Variants in HEPHL1 observed in about 807,000 individuals in gnomAD.
HEPHL1 encodes the protein hephaestin like 1, also known as ferroxidase HEPHL1.
In HEPHL1, 123 loss-of-function variants were observed where a neutral mutation model predicts 122.0. That is an observed-to-expected ratio of 1.01 (90% CI 0.87 to 1.17). The LOEUF (loss-of-function observed/expected upper bound fraction) is 1.17, where lower values mean the gene tolerates loss of function less well. Ranked by LOEUF, HEPHL1 falls within the 50% of genes most tolerant of loss-of-function variation. The probability of loss-of-function intolerance (pLI) is 0.00; values close to 1 mark genes in which losing one functional copy is unlikely to be tolerated. For missense variants in HEPHL1, 1,452 were observed against 1,430.5 expected (o/e 1.01, Z -0.24); for synonymous variants, 527 against 508.9 (o/e 1.04, Z -0.48).
chr11:94,071,497 G>C (rs1221294535), intron 6 of HEPHL1, among the ~76,000 whole-genome samples: 1 of 152,100 alleles, frequency 6.6e-6, no homozygotes, highest in Admixed American at 6.6e-5. Flanking sequence ...ATGAGAATTA[G>C]CATTCAAAAT....
chr11:94,025,997 T>C (rs1281423792), intron 1 of HEPHL1, among the ~76,000 whole-genome samples: 24 of 152,196 alleles, frequency 1.6e-4, no homozygotes, highest in Non-Finnish European at 2.9e-5. Flanking sequence ...AAATTAGGAT[T>C]TTGTATTCAT....
intron 9 of HEPHL1, among the ~76,000 whole-genome samples, chr11:94,081,273 AAC>A (rs1458809141): frequency 6.6e-6 from 1 of 152,172 alleles, no homozygotes; most frequent in Non-Finnish European, 1.5e-5. Context: ...GGAGGGGAAC[AAC>A]ACACACTGCG....
chr11:94,096,366 G>A (rs113047313), intron 13 of HEPHL1, among the ~76,000 whole-genome samples: 7,237 of 152,294 alleles, frequency 0.048, 244 homozygotes, highest in Non-Finnish European at 0.061. Context: ...TCCCAGGGAT[G>A]AAGCCCACTT....
intron 5 of HEPHL1, 55 bp from the exon 6 acceptor site, chr11:94,070,319 T>C (rs1333949977): frequency 5.3e-5 from 80 of 1,507,584 alleles, no homozygotes; most frequent in Non-Finnish European, 7.0e-5. Context: ...TTTTCCTATA[T>C]GATTCCTTTT....
At chr11:94,074,624 G>A (rs942677916) in intron 8 of HEPHL1, among the ~76,000 whole-genome samples, 1 of 152,082 alleles carries the variant, frequency 6.6e-6, no homozygotes, top group Non-Finnish European at 1.5e-5. Context: ...TACGGTGTAA[G>A]GGTTAAGTGC....
chr11:94,098,655 A>C (rs1946339858), intron 13 of HEPHL1, among the ~76,000 whole-genome samples: 1 of 152,232 alleles, frequency 6.6e-6, no homozygotes, highest in Non-Finnish European at 1.5e-5. Context: ...TACACCAGTC[A>C]GACGCAGATT....
In HEPHL1 at chr11:94,082,585, TC is replaced by T; in HGVS notation, c.1867+20del. ...GAATGCATGGTATGACAAATGACAT[TC>T]CCGCCTGTAAATGAAAGGCTGACTT... On this transcript the variant is annotated intron_variant, in intron 10 of 19. Coordinates refer to ENST00000315765, the MANE Select transcript of HEPHL1 (RefSeq NM_001098672.2). The T allele has an allele frequency of 6.3e-7, 1 of 1,583,806 alleles. No individual in the cohort carries two copies. The highest frequency in any genetic ancestry group is 8.6e-7 in the Non-Finnish European group (1 of 1,162,920).
chr11:94,075,752 T>C (rs2134435426), intron 9 of HEPHL1, among the ~76,000 whole-genome samples: 1 of 152,266 alleles, frequency 6.6e-6, no homozygotes, highest in South Asian at 2.1e-4. Flanking sequence ...CATTTAAACA[T>C]CCATTATTCA....
At chr11:94,066,820 T>A (rs934162508) in intron 4 of HEPHL1, among the ~76,000 whole-genome samples, 4 of 152,238 alleles carry the variant, frequency 2.6e-5, no homozygotes, top group African/African-American at 9.6e-5. Flanking sequence ...TTTTCTGAAC[T>A]TGGTCAACTC....
Position 94,065,882 on chromosome 11 carries a change from T to C in HEPHL1, c.808+1372T>C, listed in dbSNP as rs137865963. 1.6e-3 allele frequency among the ~76,000 whole-genome samples: 238 copies of C among 152,288 alleles called. 1 individual carries two copies. Among genetic ancestry groups the C allele is most frequent in the African/African-American group, 5.5e-3 (229 of 41,574 alleles). On this transcript the variant is annotated intron_variant, in intron 4 of 19. Transcript: ENST00000315765. ...ATTACATAAGCAAACATAGATTACA[T>C]GTATCATAAAAAGAAGCCTGTCCAG...
intron 9 of HEPHL1, among the ~76,000 whole-genome samples, chr11:94,076,080 A>C (rs781622435): frequency 2.6e-5 from 4 of 152,142 alleles, no homozygotes; most frequent in Non-Finnish European, 5.9e-5. Flanking sequence ...ATATTTTATA[A>C]TTTTTGGCAT....
At chr11:94,057,564 T>G (rs1945948997) in intron 2 of HEPHL1, among the ~76,000 whole-genome samples, 1 of 152,160 alleles carries the variant, frequency 6.6e-6, no homozygotes, top group South Asian at 2.1e-4. Flanking sequence ...CTCTAGTATT[T>G]TATTTAATTT....
chr11:94,052,345 CG>C (rs1329530862), intron 2 of HEPHL1, among the ~76,000 whole-genome samples: 7 of 151,788 alleles, frequency 4.6e-5, no homozygotes, highest in African/African-American at 1.7e-4. Flanking sequence ...TCCTTAGTTA[CG>C]TTAACTTCTA....
rs78457890 is a variant in HEPHL1 at position 94,063,786 on chromosome 11, C to T, written c.628+66C>T. On this transcript the variant is annotated intron_variant, in intron 3 of 19. Transcript: ENST00000315765. ...TGAATAAGATTCAGGTCTTATTTTG[C>T]CTACCTCCTTTGCTCCACACAGAAT... 1.5e-3 allele frequency: 2,031 copies of T among 1,355,046 alleles called. 25 individuals are homozygous for T. The African/African-American group carries it at 0.026, about 18-fold the overall frequency. 83.9% of individuals were successfully genotyped at this position (1,355,046 alleles called of 1,614,324 possible).
chr11:94,099,354 G>T (rs1288642368), intron 13 of HEPHL1, among the ~76,000 whole-genome samples: 1 of 152,222 alleles, frequency 6.6e-6, no homozygotes, highest in Non-Finnish European at 1.5e-5. Flanking sequence ...AAATGTTGCT[G>T]CCTGATCCTT....
rs1591492793 is a variant in HEPHL1 at position 94,112,013 on chromosome 11, C to T, written c.*119C>T. On this transcript the variant is annotated 3_prime_UTR_variant, in exon 20 of 20. Coordinates refer to ENST00000315765, the MANE Select transcript of HEPHL1 (RefSeq NM_001098672.2). ...GGAAGGTTGACACTGTATCCTGGAT[C>T]AGCCTTCTGATCCTCTCAAACATCA... The T allele has an allele frequency of 1.6e-6, 1 of 639,590 alleles. No individual in the cohort carries two copies. The highest frequency in any genetic ancestry group is 2.7e-5 in the East Asian group (1 of 36,366). The allele number at this position is 639,590 out of a possible 1,614,324, so 39.6% of individuals were successfully genotyped here. A position where few individuals can be genotyped will look rare whatever the true frequency, so the allele number is the denominator to read the frequency against.
At chr11:94,093,713 A>G (rs1039132222) in intron 13 of HEPHL1, 73 bp downstream of exon 13, 1 of 1,507,454 alleles carries the variant, frequency 6.6e-7, no homozygotes, top group African/African-American at 1.4e-5. Flanking sequence ...GTGTTCTGTT[A>G]CACTTGTGGC....
At chr11:94,030,793 C>T (rs947583041) in intron 1 of HEPHL1, among the ~76,000 whole-genome samples, 1 of 152,164 alleles carries the variant, frequency 6.6e-6, no homozygotes, top group Admixed American at 6.5e-5. Flanking sequence ...TAAGTCTTTG[C>T]CTTATAGAGT....
chr11:94,066,822 G>T (rs957960076), intron 4 of HEPHL1, among the ~76,000 whole-genome samples: 1 of 152,224 alleles, frequency 6.6e-6, no homozygotes. Context: ...TTCTGAACTT[G>T]GTCAACTCCC....
Sources: gnomAD v4.1 joint callset for allele counts (sites outside exome capture counted in the v4.1 genomes callset) on GRCh38, gnomAD v4.1.1 for gene constraint, MANE v1.5 for transcripts, NCBI Gene and HGNC (gene_info 2026-07-23, HGNC 2026-07-21) for gene names.